Variants in RNF43 observed in about 807,000 individuals in gnomAD.
RNF43 encodes E3 ubiquitin-protein ligase RNF43.
A neutral mutation model predicts 78.4 loss-of-function variants in RNF43; 37 were observed. That is an observed-to-expected ratio of 0.47 (90% CI 0.36 to 0.62). The LOEUF is 0.62. Ranked by LOEUF, RNF43 falls within the 20% of genes least tolerant of loss-of-function variation. The probability of loss-of-function intolerance (pLI) is 0.00; values close to 1 mark genes in which losing one functional copy is unlikely to be tolerated. For missense variants in RNF43, 774 were observed against 1,007.9 expected (o/e 0.77, Z 3.14); for synonymous variants, 347 against 395.0 (o/e 0.88, Z 1.44).
chr17:58,373,268 A>G (rs1201682583), intron 2 of RNF43, among the ~76,000 whole-genome samples: 1 of 152,116 alleles, frequency 6.6e-6, no homozygotes, highest in Admixed American at 6.5e-5. Context: ...GTCTGCAGAT[A>G]TTTAAACAGC....
At chr17:58,353,232 T>C, downstream of RNF43, 1 of 218,400 alleles carries the variant, frequency 4.6e-6, no homozygotes. Flanking sequence ...AGATGGGCTC[T>C]GTGACAGGTT....
At chr17:58,363,001 C>G in intron 5 of RNF43, 1 of 517,272 alleles carries the variant, frequency 1.9e-6, no homozygotes, top group Non-Finnish European at 3.4e-6. Context: ...GATCAGGGGA[C>G]CAGGGTTTCA....
At chr17:58,374,046 T>A (rs4793583) in intron 2 of RNF43, among the ~76,000 whole-genome samples, 6 of 152,092 alleles carry the variant, frequency 3.9e-5, no homozygotes, top group South Asian at 4.1e-4. Flanking sequence ...TTCTATGCAC[T>A]TTTTCATATT....
intron 2 of RNF43, among the ~76,000 whole-genome samples, chr17:58,392,989 C>T (rs1973591825): frequency 6.6e-6 from 1 of 152,228 alleles, no homozygotes; most frequent in Non-Finnish European, 1.5e-5. Flanking sequence ...CGTGGATTGT[C>T]TTCTGCCTCT....
At chr17:58,394,430 AG>A (rs1973630206) in intron 2 of RNF43, among the ~76,000 whole-genome samples, 1 of 152,246 alleles carries the variant, frequency 6.6e-6, no homozygotes, top group African/African-American at 2.4e-5. Flanking sequence ...TAAAGCATTG[AG>A]TATTATGTAA....
At chr17:58,383,755 T>C (rs1973374109) in intron 2 of RNF43, among the ~76,000 whole-genome samples, 2 of 152,210 alleles carry the variant, frequency 1.3e-5, no homozygotes, top group Admixed American at 6.5e-5. Context: ...GTAGCTGGGA[T>C]TACAGGCATG....
intron 3 of RNF43, among the ~76,000 whole-genome samples, chr17:58,366,403 T>A (rs1972950635): frequency 6.6e-6 from 1 of 152,136 alleles, no homozygotes; most frequent in South Asian, 2.1e-4. Context: ...GAAGATGGTG[T>A]TGAAAGCATG....
At chr17:58,364,669 T>C (rs1038992504) in intron 3 of RNF43, among the ~76,000 whole-genome samples, 1 of 152,148 alleles carries the variant, frequency 6.6e-6, no homozygotes, top group Non-Finnish European at 1.5e-5. Flanking sequence ...AGGCTGTGAT[T>C]TTACATCCCT....
Position 58,358,928 on chromosome 17 carries a change from G to T in RNF43, c.953-105C>A. On this transcript the variant is annotated intron_variant, in intron 8 of 9. Coordinates refer to ENST00000407977, the MANE Select transcript of RNF43 (RefSeq NM_017763.6). The surrounding 1 kb of genome is among the most constrained non-coding windows in gnomAD (Gnocchi z 6.2). ...TAATCTATTTGACCCTGAGTAGCCTGTGAGCTCAGAGTTTGGGGGATCAAG... is the reference window on the plus strand; with the variant it reads ...TAATCTATTTGACCCTGAGTAGCCTTTGAGCTCAGAGTTTGGGGGATCAAG... 1.6e-6 allele frequency: 2 copies of T among 1,218,128 alleles called. No individual in the cohort carries two copies. The highest frequency in any genetic ancestry group is 2.2e-6 in the Non-Finnish European group (2 of 914,758). 75.5% of individuals were successfully genotyped at this position (1,218,128 alleles called of 1,614,324 possible).
intron 5 of RNF43, 83 bp from the exon 6 acceptor site, chr17:58,362,731 G>T: frequency 2.8e-6 from 3 of 1,059,810 alleles, no homozygotes; most frequent in Non-Finnish European, 4.2e-6. Flanking sequence ...AGCCCGGGAG[G>T]CACATAGCTA....
rs779848313 is a variant in RNF43, at chr17:58,360,289, T to C, written c.850-38A>G. 5.9e-6 allele frequency: 9 copies of C among 1,518,494 alleles called. No homozygotes were observed. Among genetic ancestry groups the C allele is most frequent in the Non-Finnish European group, 8.2e-6 (9 of 1,092,882 alleles). 94.1% of individuals were successfully genotyped at this position (1,518,494 alleles called of 1,614,324 possible). On this transcript the variant is annotated intron_variant, in intron 7 of 9. Transcript: ENST00000407977. This position sits in a 1 kb window ranked among gnomAD's most constrained non-coding sequence, Gnocchi z 4.3. ...AGGGGGTCCAAACCAAAGGCTTCTG[T>C]AGCCATAGGAATTGCCAGGAATCAG...
intron 2 of RNF43, among the ~76,000 whole-genome samples, chr17:58,405,230 G>A (rs1040708735): frequency 6.6e-6 from 1 of 151,452 alleles, no homozygotes; most frequent in Non-Finnish European, 1.5e-5. Context: ...GGTGCATGCC[G>A]CCATGCCCAG....
intron 2 of RNF43, among the ~76,000 whole-genome samples, chr17:58,377,918 TAGG>T (rs1173362565): frequency 6.6e-6 from 1 of 151,952 alleles, no homozygotes; most frequent in Non-Finnish European, 1.5e-5. Context: ...TTATCTTAGG[TAGG>T]AGGACACACC....
At chr17:58,352,665 CTCCT>C (rs141745170), downstream of RNF43, 821 of 210,916 alleles carry the variant, frequency 3.9e-3, 7 homozygotes, top group African/African-American at 0.018. Context: ...AGCCCCACCC[CTCCT>C]TCCTAACTGC....
chr17:58,380,226 A>G (rs938619336), intron 2 of RNF43, among the ~76,000 whole-genome samples: 2 of 152,196 alleles, frequency 1.3e-5, no homozygotes, highest in Admixed American at 1.3e-4. Flanking sequence ...TCTTATAAGG[A>G]GTACCACTGA....
At chr17:58,408,491 G>A (rs575983852) in intron 2 of RNF43, among the ~76,000 whole-genome samples, 2 of 152,198 alleles carry the variant, frequency 1.3e-5, no homozygotes, top group South Asian at 4.1e-4. Context: ...TTAAAATCAG[G>A]ACCTGAATAA....
At chr17:58,377,199 T>C (rs1457494855) in intron 2 of RNF43, among the ~76,000 whole-genome samples, 1 of 152,186 alleles carries the variant, frequency 6.6e-6, no homozygotes, top group Non-Finnish European at 1.5e-5. Flanking sequence ...ATGCTTTGTG[T>C]AGACAGGAGA....
At chr17:58,381,969 C>G (rs531460416) in intron 2 of RNF43, among the ~76,000 whole-genome samples, 1 of 152,288 alleles carries the variant, frequency 6.6e-6, no homozygotes, top group Admixed American at 6.5e-5. Context: ...AACTCCAATC[C>G]TATAGCTCTC....
At chr17:58,374,394 CTT>C (rs1266131489) in intron 2 of RNF43, among the ~76,000 whole-genome samples, 22 of 139,140 alleles carry the variant, frequency 1.6e-4, no homozygotes, top group Admixed American at 2.2e-4. Context: ...TTTCACTCTT[CTT>C]TTTTTTTTTT....
Sources: gnomAD v4.1 joint callset for allele counts (sites outside exome capture counted in the v4.1 genomes callset) on GRCh38, gnomAD v4.1.1 for gene constraint, Gnocchi (gnomAD v3.1) non-coding constraint, MANE v1.5 for transcripts, NCBI Gene and HGNC (gene_info 2026-07-23, HGNC 2026-07-21) for gene names.